The following DOCK7 variants were observed in gnomAD, a reference collection of about 807,000 sequenced individuals.
DOCK7 encodes the protein dedicator of cytokinesis 7.
In DOCK7, 138 loss-of-function variants were observed where a neutral mutation model predicts 271.0. The ratio of observed to expected loss-of-function variants is 0.51; its 90% CI spans 0.44 to 0.59. DOCK7 has a LOEUF of 0.59. Among genes scored for constraint, DOCK7 ranks in the 20% least tolerant of loss-of-function variants. DOCK7 has a pLI of 0.00. For missense variants in DOCK7, 2,066 were observed against 2,592.4 expected, an observed-to-expected ratio of 0.80 and a Z score of 4.41; for synonymous variants, 823 against 876.1, an observed-to-expected ratio of 0.94 and a Z score of 1.07.
chr1:62,618,941 T>C, intron 13 of DOCK7, 73 bp from the exon 14 acceptor site: 1 of 1,381,570 alleles, frequency 7.2e-7, no homozygotes, highest in Non-Finnish European at 1.0e-6. Context: ...TTTAAAGGAC[T>C]TGGATCCTAT....
At position 62,654,107 on chromosome 1, in the gene DOCK7, G is replaced by C. The variant is rs1176883341; in HGVS notation, c.197C>G (p.Thr66Ser). 1.2e-6 allele frequency: 2 copies of C among 1,613,860 alleles called. No individual in the cohort carries two copies. The highest frequency in any genetic ancestry group is 1.7e-6 in the Non-Finnish European group (2 of 1,179,920). ...DPVDLEDYLI[T>S]HPLAVDSGPL... The stretch of plus-strand genomic sequence containing the variant: ...CCCAGAATCCACAGCCAAAGGATGA[G>C]TAATGAGGTAATCTTCCAAATCCAC... Residue 66 changes from threonine (T) to serine (S), a missense_variant, in exon 3 of 50, where the codon ACT becomes AGT. By Grantham distance (58) the Thr-to-Ser change is moderately conservative (BLOSUM62 1). Coordinates refer to ENST00000635253, the MANE Select transcript of DOCK7 (RefSeq NM_001367561.1).
chr1:62,551,150 A>G (rs976797191), intron 22 of DOCK7, among the ~76,000 whole-genome samples: 31 of 152,174 alleles, frequency 2.0e-4, no homozygotes, highest in African/African-American at 7.2e-4. Context: ...GAGTAGATAA[A>G]CTAAGTTGAG....
rs1654609730 is a variant in DOCK7 at position 62,631,404 on chromosome 1, T to C, written c.1118A>G (p.Asn373Ser). 2 of 1,596,290 alleles carry C rather than the reference T, an allele frequency of 1.3e-6. No individual in the cohort carries two copies. Among genetic ancestry groups the C allele is most frequent in the African/African-American group, 1.4e-5 (1 of 73,552 alleles). ...CTTCAGTTTCTCCAGTTTTTCTTTA[T>C]TCTGCAAAACAGAACTTTATACATT... ...MIFKEADATKNKEKLEKLKSQ... is the reference protein window; with the variant it reads ...MIFKEADATKSKEKLEKLKSQ... Residue 373 changes from asparagine to serine, a missense_variant and splice_region_variant, in exon 11 of 50, where the codon AAT (asparagine) becomes AGT (serine). Physicochemically the swap from Asn to Ser is conservative, Grantham distance 46. This residue lies in a region of DOCK7 where 1,414 missense variants were observed against 1,670.4 expected (regional missense o/e 0.85). Transcript: ENST00000635253.
At chr1:62,528,118 G>GAAA in intron 31 of DOCK7, 33 bp downstream of exon 31, 1 of 1,566,180 alleles carries the variant, frequency 6.4e-7, no homozygotes, top group South Asian at 1.2e-5. Flanking sequence ...TGTCTTTCTA[G>GAAA]AAAAAAAAAT....
chr1:62,469,725 A>C (rs1014165390), intron 48 of DOCK7, among the ~76,000 whole-genome samples: 9 of 152,196 alleles, frequency 5.9e-5, no homozygotes, highest in Non-Finnish European at 1.3e-4. Flanking sequence ...CAAGAAAAAA[A>C]CAAATAATTT....
In DOCK7 at chr1:62,543,656, C is replaced by T; in HGVS notation, c.2949G>A (p.Lys983=). 2 of 1,595,042 alleles carry T rather than the reference C, an allele frequency of 1.3e-6. No homozygotes were observed. Among genetic ancestry groups the T allele is most frequent in the Non-Finnish European group, 1.7e-6 (2 of 1,166,422 alleles). The part of the protein sequence containing the change: ...QTLTGRLPTK[K]LFHEELALQW... The stretch of plus-strand genomic sequence containing the variant: ...ATGAATTGTCTTCATATGAATCTAC[C>T]TTTTTAGTTGGTAAGCGTCCCGTTA... Residue 983 remains lysine, a splice_region_variant and synonymous_variant, in exon 24 of 50, where the codon AAG becomes AAA. Transcript: ENST00000635253.
At chr1:62,540,337 C>G (rs988133599) in intron 25 of DOCK7, among the ~76,000 whole-genome samples, 5 of 152,022 alleles carry the variant, frequency 3.3e-5, no homozygotes, top group Non-Finnish European at 5.9e-5. Flanking sequence ...CCATGCCCAG[C>G]TAATTTTAAA....
Position 62,537,347 on chromosome 1 carries a change from G to A in DOCK7, c.3471+544C>T, listed in dbSNP as rs951182624. Among the ~76,000 whole-genome samples, 4 of 152,024 alleles carry A rather than the reference G, an allele frequency of 2.6e-5. No homozygotes were observed. The East Asian group carries it at 7.8e-4, about 29-fold the overall frequency. Reference sequence around the variant, plus strand: ...CCTGTAATCCCAGCACTTTTGAGAGGCCGAGGCCGGCAGATCAAGAGGTCA... The same window carrying A: ...CCTGTAATCCCAGCACTTTTGAGAGACCGAGGCCGGCAGATCAAGAGGTCA... On this transcript the variant is annotated intron_variant, in intron 28 of 49. Coordinates refer to ENST00000635253, the MANE Select transcript of DOCK7 (RefSeq NM_001367561.1).
At chr1:62,533,587 C>T (rs1489668067) in intron 29 of DOCK7, among the ~76,000 whole-genome samples, 1 of 152,170 alleles carries the variant, frequency 6.6e-6, no homozygotes, top group Non-Finnish European at 1.5e-5. Context: ...CCAATCTACA[C>T]AGAAACCCAT....
At chr1:62,550,636 G>A (rs1645864266) in intron 22 of DOCK7, among the ~76,000 whole-genome samples, 1 of 152,030 alleles carries the variant, frequency 6.6e-6, no homozygotes, top group Admixed American at 6.6e-5. Flanking sequence ...ATGCTGACAT[G>A]GCACAGGCAG....
intron 31 of DOCK7, among the ~76,000 whole-genome samples, chr1:62,525,880 G>A (rs899604790): frequency 3.9e-5 from 6 of 152,190 alleles, no homozygotes; most frequent in African/African-American, 1.4e-4. Flanking sequence ...AAATCAGATA[G>A]CTGATTATTT....
intron 1 of DOCK7, 30 bp from the exon 2 acceptor site, chr1:62,663,160 T>C (rs1557876548): frequency 2.7e-6 from 4 of 1,505,326 alleles, no homozygotes; most frequent in Non-Finnish European, 3.6e-6. Context: ...AACATACGCA[T>C]TATTGAAAAA....
chr1:62,617,371 A>G (rs1557808689), intron 14 of DOCK7, among the ~76,000 whole-genome samples: 2 of 151,998 alleles, frequency 1.3e-5, no homozygotes, highest in African/African-American at 2.4e-5. Context: ...TTTCAGACAC[A>G]GGAATGAATG....
rs1392001419 is a variant in DOCK7, at chr1:62,602,179, AC to A, written c.1683-15556del. On this transcript the variant is annotated intron_variant, in intron 14 of 49. Coordinates refer to ENST00000635253, the MANE Select transcript of DOCK7 (RefSeq NM_001367561.1). ...AAATGTATTGCCATAACATTAATAA[AC>A]TACCTTACAAAACCACCAATTAAAA... The A allele has an allele frequency of 4.5e-5, 41 of 903,620 alleles. No homozygotes were observed. The Admixed American group carries it at 6.1e-4, about 13-fold the overall frequency. 56.0% of individuals were successfully genotyped at this position (903,620 alleles called of 1,614,324 possible).
At chr1:62,610,862 T>C (rs374661079) in intron 14 of DOCK7, among the ~76,000 whole-genome samples, 92 of 152,322 alleles carry the variant, frequency 6.0e-4, no homozygotes, top group African/African-American at 2.1e-3. Flanking sequence ...CAGTCTATCA[T>C]TGATGGGCAT....
chr1:62,631,442 T>G (rs1482689691), intron 10 of DOCK7, 37 bp from the exon 11 acceptor site: 2 of 1,506,964 alleles, frequency 1.3e-6, no homozygotes, highest in African/African-American at 2.8e-5. Flanking sequence ...ATGATTATAC[T>G]TGAAAGAAAT....
At chr1:62,597,583 T>C (rs766251086) in intron 14 of DOCK7, 4 of 1,612,620 alleles carry the variant, frequency 2.5e-6, no homozygotes, top group Non-Finnish European at 3.4e-6. Flanking sequence ...ACAATTAAGC[T>C]CCTTCTTTTT....
At chr1:62,496,831 A>G (rs1299129180) in intron 37 of DOCK7, among the ~76,000 whole-genome samples, 1 of 152,180 alleles carries the variant, frequency 6.6e-6, no homozygotes, top group East Asian at 1.9e-4. Flanking sequence ...GACTGACATT[A>G]TAAAATTCTT....
chr1:62,490,276 T>G (rs1646424949), intron 41 of DOCK7, among the ~76,000 whole-genome samples: 1 of 151,744 alleles, frequency 6.6e-6, no homozygotes, highest in African/African-American at 2.4e-5. Context: ...CTTGTTACAT[T>G]GAGCGGGCTG....
Sources: allele counts gnomAD v4.1 joint callset (sites outside exome capture counted in the v4.1 genomes callset), GRCh38; gene constraint gnomAD v4.1.1; regional missense constraint gnomAD v4.1.1; transcripts MANE v1.5; gene names NCBI Gene and HGNC (gene_info 2026-07-23, HGNC 2026-07-21).